SLC12A2: variants seen among roughly 807,000 people sequenced by gnomAD.
SLC12A2 encodes solute carrier family 12 member 2, also known as Na-K-2Cl cotransporter 1.
SLC12A2 carries 67 observed loss-of-function variants against 136.3 expected under a neutral mutation model. The observed-to-expected ratio is 0.49, with a 90% CI of 0.40 to 0.60. The LOEUF is 0.60. SLC12A2 is among the 20% of genes least tolerant of loss of function. The pLI, the probability that SLC12A2 is intolerant of heterozygous loss-of-function variation, is 0.00. For missense variants in SLC12A2, 1,322 were observed against 1,534.7 expected (o/e 0.86, Z 2.32); for synonymous variants, 619 against 562.9 (o/e 1.10, Z -1.41).
chr5:128,161,617 C>G (rs1042748395), intron 16 of SLC12A2, 43 bp from the exon 17 acceptor site: 114 of 1,228,614 alleles, frequency 9.3e-5, no homozygotes, highest in Admixed American at 1.2e-4. Flanking sequence ...TGTGAAGTTG[C>G]TTACCTTTTA....
intron 4 of SLC12A2, among the ~76,000 whole-genome samples, chr5:128,115,322 G>T (rs931586685): frequency 1.3e-5 from 2 of 152,050 alleles, no homozygotes; most frequent in African/African-American, 4.8e-5. Flanking sequence ...ATGGCGTTTT[G>T]CCATGTTGGC....
At chr5:128,143,464 T>G (rs1028603914) in intron 10 of SLC12A2, among the ~76,000 whole-genome samples, 2 of 152,184 alleles carry the variant, frequency 1.3e-5, no homozygotes, top group African/African-American at 2.4e-5. Flanking sequence ...TCTCCAGTAT[T>G]TGGAGGCTGT....
chr5:128,141,678 A>G, intron 9 of SLC12A2, 152 bp from the exon 10 acceptor site: 2 of 481,420 alleles, frequency 4.2e-6, no homozygotes, highest in Non-Finnish European at 3.4e-6. Flanking sequence ...TGTTCAAGGT[A>G]AAGTCTTAAT....
intron 1 of SLC12A2, among the ~76,000 whole-genome samples, chr5:128,102,680 A>C (rs1261197761): frequency 7.7e-6 from 1 of 129,100 alleles, no homozygotes; most frequent in Non-Finnish European, 1.5e-5. Context: ...TGGTGTGATC[A>C]CAGCTCAGTG....
chr5:128,128,805 TAAAA>T (rs74617853), intron 4 of SLC12A2, among the ~76,000 whole-genome samples: 5 of 138,378 alleles, frequency 3.6e-5, no homozygotes, highest in Non-Finnish European at 7.9e-5. Context: ...GGTAGATCTT[TAAAA>T]AAAAAAAAAA....
At chr5:128,157,271 C>T (rs1289367372) in intron 15 of SLC12A2, among the ~76,000 whole-genome samples, 28 of 152,136 alleles carry the variant, frequency 1.8e-4, no homozygotes, top group Admixed American at 1.8e-3. Context: ...ATATTTTTTA[C>T]ATTAAATATC....
At chr5:128,110,585 A>T in intron 1 of SLC12A2, 1 of 1,118,426 alleles carries the variant, frequency 8.9e-7, no homozygotes, top group Non-Finnish European at 1.4e-6. Flanking sequence ...TATCAAATAA[A>T]TATTGATGGC....
chr5:128,089,690 C>T (rs1221535543), intron 1 of SLC12A2, among the ~76,000 whole-genome samples: 1 of 152,156 alleles, frequency 6.6e-6, no homozygotes, highest in African/African-American at 2.4e-5. Context: ...TATCTTCATA[C>T]AGAGAATAGG....
At chr5:128,159,239 CA>C (rs1561694518) in intron 16 of SLC12A2, among the ~76,000 whole-genome samples, 1 of 151,680 alleles carries the variant, frequency 6.6e-6, no homozygotes, top group Non-Finnish European at 1.5e-5. Flanking sequence ...CCCTTCTTTA[CA>C]CCTTATACAA....
At chr5:128,102,954 C>T (rs374274127) in intron 1 of SLC12A2, among the ~76,000 whole-genome samples, 1 of 152,062 alleles carries the variant, frequency 6.6e-6, no homozygotes, top group East Asian at 1.9e-4. Flanking sequence ...CTATTTTCTT[C>T]GATTGTATGA....
intron 20 of SLC12A2, among the ~76,000 whole-genome samples, chr5:128,175,605 A>G (rs1444214573): frequency 2.0e-5 from 3 of 151,956 alleles, no homozygotes; most frequent in Non-Finnish European, 2.9e-5. Flanking sequence ...GAAGAAATAC[A>G]TATCAAGCAT....
At position 128,084,409 on chromosome 5, in the gene SLC12A2, C is replaced by T. The variant is rs776619840; in HGVS notation, c.455C>T (p.Ala152Val). ...NFVDPAASSSAEDSLSDAAGV... is the reference protein window; with the variant it reads ...NFVDPAASSSVEDSLSDAAGV... ...GTGGACCCAGCTGCCTCCTCGTCGG[C>T]TGAAGACAGCCTGTCAGATGCTGCC... Residue 152 changes from alanine (A) to valine (V), a missense_variant, in exon 1 of 27, where the codon GCT becomes GTT. By Grantham distance (64) the Ala-to-Val change is moderately conservative (BLOSUM62 0). Coordinates refer to ENST00000262461, the MANE Select transcript of SLC12A2 (RefSeq NM_001046.3). The surrounding 1 kb of genome is among the most constrained non-coding windows in gnomAD (Gnocchi z 5.6). 4.3e-6 allele frequency: 7 copies of T among 1,611,514 alleles called. No homozygotes were observed. The highest frequency in any genetic ancestry group is 1.3e-5 in the African/African-American group (1 of 74,906).
intron 15 of SLC12A2, among the ~76,000 whole-genome samples, chr5:128,156,911 A>C (rs1437709339): frequency 2.6e-5 from 4 of 152,124 alleles, no homozygotes; most frequent in Non-Finnish European, 5.9e-5. Flanking sequence ...ATTGGGCCAC[A>C]TTTAGCTCCT....
At chr5:128,104,441 C>T (rs1313100526) in intron 1 of SLC12A2, among the ~76,000 whole-genome samples, 2 of 151,920 alleles carry the variant, frequency 1.3e-5, no homozygotes, top group Non-Finnish European at 2.9e-5. Flanking sequence ...AGAGACCAGC[C>T]AGGCCAACAT....
chr5:128,167,741 A>G lies in SLC12A2; in HGVS notation c.2617-20A>G. On this transcript the variant is annotated intron_variant, in intron 17 of 26. Coordinates refer to ENST00000262461, the MANE Select transcript of SLC12A2 (RefSeq NM_001046.3). ...TTGAAAATAATATATCTGTAAAGTT[A>G]TATTGACCCTATATTTTAGGCTGCT... is the stretch of plus-strand genomic sequence containing the variant. 1 of 1,496,554 alleles carries G rather than the reference A, an allele frequency of 6.7e-7. No individual in the cohort carries two copies. 92.7% of individuals were successfully genotyped at this position (1,496,554 alleles called of 1,614,324 possible). A position where few individuals can be genotyped will look rare whatever the true frequency, so the allele number is the denominator to read the frequency against.
At chr5:128,145,526 C>G (rs1312686610) in intron 10 of SLC12A2, among the ~76,000 whole-genome samples, 1 of 152,084 alleles carries the variant, frequency 6.6e-6, no homozygotes, top group Non-Finnish European at 1.5e-5. Context: ...GAAAAATGCA[C>G]AGCATATATG....
At chr5:128,125,848 AGTT>A (rs2126688246) in intron 4 of SLC12A2, among the ~76,000 whole-genome samples, 1 of 152,254 alleles carries the variant, frequency 6.6e-6, no homozygotes, top group South Asian at 2.1e-4. Flanking sequence ...TGGAGAGTGT[AGTT>A]GTTTTTCTCC....
chr5:128,127,073 T>C (rs1261319474), intron 4 of SLC12A2, among the ~76,000 whole-genome samples: 1 of 146,192 alleles, frequency 6.8e-6, no homozygotes, highest in Non-Finnish European at 1.5e-5. Flanking sequence ...TTGCTAATAG[T>C]TTAACAATTT....
intron 16 of SLC12A2, among the ~76,000 whole-genome samples, chr5:128,159,859 A>G (rs1203196747): frequency 6.6e-6 from 1 of 152,172 alleles, no homozygotes. Context: ...AACTAGAAAT[A>G]CCATTTGAGC....
Sources: gnomAD v4.1 joint callset for allele counts (sites outside exome capture counted in the v4.1 genomes callset) on GRCh38, gnomAD v4.1.1 for gene constraint, Gnocchi (gnomAD v3.1) non-coding constraint, MANE v1.5 for transcripts, NCBI Gene and HGNC (gene_info 2026-07-23, HGNC 2026-07-21) for gene names.